Variants in PRSS23 observed in about 807,000 individuals in gnomAD.
The protein encoded by PRSS23 is protease, serine 23.
A neutral mutation model predicts 34.7 loss-of-function variants in PRSS23; 25 were observed. That is an observed-to-expected ratio of 0.72 (90% CI 0.53 to 1.01). The LOEUF is 1.01. PRSS23 is among the 50% of genes least tolerant of loss of function. The pLI is 0.00. For synonymous variants in PRSS23, 176 were observed against 186.6 expected, an observed-to-expected ratio of 0.94 and a Z score of 0.46; for missense variants, 445 against 475.6, an observed-to-expected ratio of 0.94 and a Z score of 0.60.
chr11:86,871,036 C>A (rs1436093275), intron 2 of PRSS23, among the ~76,000 whole-genome samples: 2 of 152,156 alleles, frequency 1.3e-5, no homozygotes, highest in African/African-American at 2.4e-5. Context: ...CATTTTCTAG[C>A]TTTTTTCATA....
chr11:86,835,421 CAT>C (rs1328831724), intron 2 of PRSS23, among the ~76,000 whole-genome samples: 1 of 152,202 alleles, frequency 6.6e-6, no homozygotes, highest in African/African-American at 2.4e-5. Flanking sequence ...TTTTCTGTGA[CAT>C]ATAAAGAAAA....
intron 2 of PRSS23, among the ~76,000 whole-genome samples, chr11:86,930,655 T>C (rs940533690): frequency 1.3e-5 from 2 of 151,988 alleles, no homozygotes; most frequent in Non-Finnish European, 2.9e-5. Flanking sequence ...CCGGGCGTGG[T>C]GGCGGGCGCC....
intron 2 of PRSS23, chr11:86,936,124 T>C (rs1039989031): frequency 1.3e-5 from 2 of 152,200 alleles, no homozygotes; most frequent in African/African-American, 4.8e-5. Flanking sequence ...TCAGTGATCA[T>C]GCTTCACATG....
At chr11:86,850,184 G>A (rs1010381434) in intron 2 of PRSS23, among the ~76,000 whole-genome samples, 56 of 152,126 alleles carry the variant, frequency 3.7e-4, no homozygotes, top group African/African-American at 9.2e-4. Context: ...CTCCAGGATC[G>A]AGGCCATCAA....
chr11:86,931,785 G>T (rs927816225), intron 2 of PRSS23, among the ~76,000 whole-genome samples: 2 of 152,066 alleles, frequency 1.3e-5, no homozygotes, highest in East Asian at 1.9e-4. Flanking sequence ...GGGATTACAG[G>T]CATGAGCCAT....
At chr11:86,821,611 T>G in intron 1 of PRSS23, 1 of 1,602,648 alleles carries the variant, frequency 6.2e-7, no homozygotes, top group Non-Finnish European at 8.5e-7. Context: ...CCCTTAAATG[T>G]TCATACTTCC....
chr11:86,827,621 G>A (rs1948313176), intron 2 of PRSS23, among the ~76,000 whole-genome samples: 1 of 151,980 alleles, frequency 6.6e-6, no homozygotes, highest in Admixed American at 6.6e-5. Context: ...GCTTTCTCTT[G>A]TGGGCATTTA....
At chr11:86,887,442 C>T (rs1224959752) in intron 2 of PRSS23, among the ~76,000 whole-genome samples, 1 of 151,666 alleles carries the variant, frequency 6.6e-6, no homozygotes, top group Non-Finnish European at 1.5e-5. Context: ...GCATGAACGT[C>T]CCAGCAAAAA....
At chr11:86,800,461 A>G (rs1365665561), upstream of PRSS23, 18 of 983,528 alleles carry the variant, frequency 1.8e-5, no homozygotes, top group Non-Finnish European at 1.9e-5. Flanking sequence ...GGCTTCCCCG[A>G]GGCCGGAGGC....
chr11:86,870,236 A>T (rs1044131745), intron 2 of PRSS23, among the ~76,000 whole-genome samples: 3 of 142,026 alleles, frequency 2.1e-5, no homozygotes, highest in Admixed American at 1.4e-4. Flanking sequence ...AGAGATGGTG[A>T]TTTTTTTTTT....
chr11:86,791,260 A>T (rs1258471501), intron 1 of PRSS23: 1 of 152,332 alleles, frequency 6.6e-6, no homozygotes, highest in Non-Finnish European at 1.5e-5. Context: ...CAGCCCTGGA[A>T]GGGCCTCTCT....
Position 86,807,634 on chromosome 11 carries a change from A to G in PRSS23, c.-10A>G, listed in dbSNP as rs567668514. The G allele has an allele frequency of 1.3e-5, 21 of 1,599,266 alleles. No homozygotes were observed. In the South Asian group the frequency reaches 2.0e-4, roughly 15 times the overall value. On this transcript the variant is annotated 5_prime_UTR_variant, in exon 2 of 2. Transcript: ENST00000280258. ...CTGCTTGTCTTTGTTTCTACAGAAC[A>G]GTGCTCGGCATGGCAGGGATTCCAG...
At chr11:86,879,117 C>G (rs1948748762) in intron 2 of PRSS23, among the ~76,000 whole-genome samples, 1 of 149,864 alleles carries the variant, frequency 6.7e-6, no homozygotes, top group Non-Finnish European at 1.5e-5. Flanking sequence ...TTCCCGGCCG[C>G]CATCCCGTCT....
intron 2 of PRSS23, chr11:86,946,094 C>T (rs1385797137): frequency 2.6e-5 from 4 of 152,500 alleles, no homozygotes; most frequent in African/African-American, 9.7e-5. Context: ...TTTCAAGCCT[C>T]ACAACATCCC....
chr11:86,793,899 C>T (rs1309478203), intron 1 of PRSS23, among the ~76,000 whole-genome samples: 2 of 151,974 alleles, frequency 1.3e-5, no homozygotes, highest in African/African-American at 4.8e-5. Context: ...TATATAATTA[C>T]AACATAAGAT....
chr11:86,885,666 T>C (rs1025916856), intron 2 of PRSS23, among the ~76,000 whole-genome samples: 53 of 152,234 alleles, frequency 3.5e-4, no homozygotes. Flanking sequence ...GCCTCCAGCC[T>C]GCTGATCTAT....
At chr11:86,805,193 C>A (rs559273198) in intron 1 of PRSS23, among the ~76,000 whole-genome samples, 15 of 152,166 alleles carry the variant, frequency 9.9e-5, no homozygotes, top group Non-Finnish European at 1.3e-4. Context: ...GGCATTTAGT[C>A]ACCTAGACAG....
intron 2 of PRSS23, among the ~76,000 whole-genome samples, chr11:86,888,198 T>A (rs1299642422): frequency 6.6e-6 from 1 of 151,630 alleles, no homozygotes; most frequent in African/African-American, 2.4e-5. Flanking sequence ...TAGAAGGCTT[T>A]ACAGGGGAGG....
chr11:86,837,941 G>A (rs181669111), intron 2 of PRSS23, among the ~76,000 whole-genome samples: 21 of 152,194 alleles, frequency 1.4e-4, no homozygotes. Flanking sequence ...TTGGACAGTG[G>A]GTGAAGTGCA....
Sources: allele counts gnomAD v4.1 joint callset (sites outside exome capture counted in the v4.1 genomes callset), GRCh38; gene constraint gnomAD v4.1.1; transcripts MANE v1.5; gene names NCBI Gene and HGNC (gene_info 2026-07-23, HGNC 2026-07-21).